CCDC187: variants seen among roughly 807,000 people sequenced by gnomAD.
The protein encoded by CCDC187 is coiled-coil domain-containing protein 187.
CCDC187 carries 32 observed loss-of-function variants against 38.0 expected under a neutral mutation model. That is an observed-to-expected ratio of 0.84 (90% CI 0.64 to 1.13). The LOEUF (loss-of-function observed/expected upper bound fraction) is 1.13, where lower values mean the gene tolerates loss of function less well. CCDC187 is among the 50% of genes most tolerant of loss of function. The pLI is 0.00. For synonymous variants in CCDC187, 333 were observed against 347.9 expected (o/e 0.96, Z 0.48); for missense variants, 707 against 786.8 (o/e 0.90, Z 1.21).
At position 136,294,190 on chromosome 9, in the gene CCDC187, T is replaced by C. The variant is rs1183171814; in HGVS notation, c.833-1895A>G. On this transcript the variant is annotated intron_variant, in intron 4 of 25. Transcript: ENST00000638797. ...CTCACACGCTCATATACACACGCCC[T>C]CACATGTGCTCTCACACACACTCAC... is the stretch of plus-strand genomic sequence containing the variant. 2.8e-5 allele frequency among the ~76,000 whole-genome samples: 4 copies of C among 143,016 alleles called. No individual in the cohort carries two copies. In the South Asian group the frequency reaches 9.0e-4, roughly 32 times the overall value. 93.8% of individuals were successfully genotyped at this position (143,016 alleles called of 152,430 possible). A position where few individuals can be genotyped will look rare whatever the true frequency, so the allele number is the denominator to read the frequency against.
chr9:136,306,161 C>A (rs1470888466), upstream of CCDC187, among the ~76,000 whole-genome samples: 1 of 152,158 alleles, frequency 6.6e-6, no homozygotes, highest in African/African-American at 2.4e-5. Context: ...CAAGGGGTAT[C>A]CCCTGGGCAG....
chr9:136,277,507 G>A (rs1830956459), intron 10 of CCDC187, among the ~76,000 whole-genome samples: 2 of 139,910 alleles, frequency 1.4e-5, no homozygotes, highest in South Asian at 4.8e-4. Flanking sequence ...TGCTGAGGGG[G>A]TGGGTGGGTG....
chr9:136,300,103 G>C (rs1385370687), intron 3 of CCDC187, 117 bp downstream of exon 3: 4 of 396,106 alleles, frequency 1.0e-5, no homozygotes, highest in Non-Finnish European at 1.8e-5. Context: ...TTTCCAGTTG[G>C]GGTCCTCCCT....
At chr9:136,291,682 C>T (rs939047698) in intron 5 of CCDC187, 37 bp from the exon 6 acceptor site, 24 of 398,504 alleles carry the variant, frequency 6.0e-5, no homozygotes, top group African/African-American at 2.9e-4. Flanking sequence ...AGGAGGGGAG[C>T]GGAGGGGAGA....
Position 136,260,206 on chromosome 9 carries a change from G to A in CCDC187, c.4123C>T (p.His1375Tyr). 1 of 985,478 alleles carries A rather than the reference G, an allele frequency of 1.0e-6. No homozygotes were observed. 61.0% of individuals were successfully genotyped at this position (985,478 alleles called of 1,614,324 possible). A position where few individuals can be genotyped will look rare whatever the true frequency, so the allele number is the denominator to read the frequency against. Residue 1375 changes from histidine (H) to tyrosine (Y), a missense_variant, in exon 20 of 26, where the codon CAC becomes TAC. Coordinates refer to ENST00000638797, the MANE Select transcript of CCDC187 (RefSeq NM_001378188.1). ...CATGCTGGCCTCGGAGGCTGCTGGT[G>A]ACCATCTGCATCGGAGGTTGTCTGG... ...PPQTTSDADGHQQPPRPAWGE... is the reference protein window; with the variant it reads ...PPQTTSDADGYQQPPRPAWGE...
chr9:136,283,895 G>A (rs1315885384), intron 9 of CCDC187, among the ~76,000 whole-genome samples: 2 of 152,208 alleles, frequency 1.3e-5, no homozygotes, highest in African/African-American at 4.8e-5. Flanking sequence ...GGTCTGGCCC[G>A]ATGCTGCCCT....
At chr9:136,293,346 C>T (rs988537194) in intron 4 of CCDC187, among the ~76,000 whole-genome samples, 2 of 148,548 alleles carry the variant, frequency 1.3e-5, no homozygotes, top group African/African-American at 5.0e-5. Flanking sequence ...CTCACACTCA[C>T]ATGCTCACAC....
chr9:136,305,814 G>A (rs1034969662), upstream of CCDC187, among the ~76,000 whole-genome samples: 1,470 of 152,304 alleles, frequency 9.7e-3, 31 homozygotes, highest in African/African-American at 0.033. Context: ...CCTGCGAGTT[G>A]CCCCCACCAC....
In CCDC187 at chr9:136,254,284, C is replaced by T; in HGVS notation, c.5544G>A (p.Gly1848=). ...ACACCCCCATCAGGCTCTCGCTGGT[C>T]CCAGAAGCTTCCAGCCCCTCCCCAG... ...PWPGEGLEAS[G]TSESLMGVSD... Residue 1848 remains glycine (G), a synonymous_variant, in exon 26 of 26, where the codon GGG becomes GGA. Coordinates refer to ENST00000638797, the MANE Select transcript of CCDC187 (RefSeq NM_001378188.1). 1 of 980,312 alleles carries T rather than the reference C, an allele frequency of 1.0e-6. No homozygotes were observed. Among genetic ancestry groups the T allele is most frequent in the South Asian group, 4.7e-5 (1 of 21,154 alleles). The allele number at this position is 980,312 out of a possible 1,614,324, so 60.7% of individuals were successfully genotyped here.
chr9:136,293,642 TCA>T (rs1227650112), intron 4 of CCDC187, among the ~76,000 whole-genome samples: 1 of 151,530 alleles, frequency 6.6e-6, no homozygotes. Flanking sequence ...ACTCGCATGC[TCA>T]CACTCATGCT....
In CCDC187 at chr9:136,293,561, T is replaced by A. The variant is rs1831436470; in HGVS notation, c.833-1266A>T. ...CACTCACACTGACATGCTCACACAC[T>A]GTCACACACGTGCCCACAACTCCCT... is the stretch of plus-strand genomic sequence containing the variant. On this transcript the variant is annotated intron_variant, in intron 4 of 25. Transcript: ENST00000638797. Among the ~76,000 whole-genome samples, 5 of 150,196 alleles carry A rather than the reference T, an allele frequency of 3.3e-5. No individual in the cohort carries two copies. In the East Asian group the frequency reaches 6.0e-4, roughly 18 times the overall value.
chr9:136,305,158 G>C (rs1029060573), upstream of CCDC187, among the ~76,000 whole-genome samples: 2 of 152,226 alleles, frequency 1.3e-5, no homozygotes, highest in African/African-American at 4.8e-5. Context: ...CAGGCCCTGC[G>C]TATAATGTGA....
rs1430995958 is a variant in CCDC187, at chr9:136,286,465, C to A, written c.2453G>T (p.Arg818Leu). Reference protein sequence around the residue: ...HLGTSSSLHLRHKQAQLQALE... With the variant: ...HLGTSSSLHLLHKQAQLQALE... ...CGCCTGCAGCTGCGCCTGCTTATGCCGGAGGTGCAGGGAGCTGGAAGTGCC... is the reference window on the plus strand; with the variant it reads ...CGCCTGCAGCTGCGCCTGCTTATGCAGGAGGTGCAGGGAGCTGGAAGTGCC... The change falls in exon 8 of 26, where the codon CGG becomes CTG. Residue 818 changes from arginine (R) to leucine (L), a missense_variant. Transcript: ENST00000638797. 2 of 398,738 alleles carry A rather than the reference C, an allele frequency of 5.0e-6. No individual in the cohort carries two copies. Among genetic ancestry groups the A allele is most frequent in the Non-Finnish European group, 8.8e-6 (2 of 226,144 alleles). The allele number at this position is 398,738 out of a possible 1,614,324, so 24.7% of individuals were successfully genotyped here.
At chr9:136,293,192 C>T (rs1184868619) in intron 4 of CCDC187, among the ~76,000 whole-genome samples, 2 of 144,836 alleles carry the variant, frequency 1.4e-5, no homozygotes, top group Admixed American at 6.9e-5. Flanking sequence ...CACTCACATG[C>T]TCACACACTC....
intron 10 of CCDC187, among the ~76,000 whole-genome samples, chr9:136,278,965 G>A (rs1830985225): frequency 6.6e-6 from 1 of 152,236 alleles, no homozygotes; most frequent in Non-Finnish European, 1.5e-5. Context: ...ACCTGTTTAA[G>A]TCTAGAAAGT....
At chr9:136,277,108 C>T (rs1024715200) in intron 10 of CCDC187, among the ~76,000 whole-genome samples, 16,009 of 151,902 alleles carry the variant, frequency 0.11, 1,180 homozygotes, top group Admixed American at 0.19. Context: ...TGCCCCCAGA[C>T]AGACCGGGTC....
chr9:136,270,405 G>A (rs142117641), intron 14 of CCDC187, among the ~76,000 whole-genome samples: 17,097 of 152,200 alleles, frequency 0.11, 1,241 homozygotes, highest in Admixed American at 0.2. Flanking sequence ...AGGACAGGGG[G>A]CCCTTCCCTT....
chr9:136,278,427 C>T (rs1455458513), intron 10 of CCDC187, among the ~76,000 whole-genome samples: 7 of 152,214 alleles, frequency 4.6e-5, no homozygotes, highest in African/African-American at 1.4e-4. Context: ...GAGCCGTCCC[C>T]GAGCTGGGCA....
rs978680140 is a variant in CCDC187, at chr9:136,293,326, T to C, written c.833-1031A>G. ...ACATGTTCACACACTCACACTCACA[T>C]GCTTACACACTCACACTCACATGCT... On this transcript the variant is annotated intron_variant, in intron 4 of 25. Coordinates refer to ENST00000638797, the MANE Select transcript of CCDC187 (RefSeq NM_001378188.1). 1.2e-4 allele frequency among the ~76,000 whole-genome samples: 16 copies of C among 134,732 alleles called. No homozygotes were observed. The East Asian group carries it at 1.8e-3, about 15-fold the overall frequency. 88.4% of individuals were successfully genotyped at this position (134,732 alleles called of 152,430 possible).
Sources: allele counts gnomAD v4.1 joint callset (sites outside exome capture counted in the v4.1 genomes callset), GRCh38; gene constraint gnomAD v4.1.1; transcripts MANE v1.5; gene names NCBI Gene and HGNC (gene_info 2026-07-23, HGNC 2026-07-21).